The following TET2 variants were observed in gnomAD, a reference collection of about 807,000 sequenced individuals.
TET2 encodes methylcytosine dioxygenase TET2.
TET2 carries 299 observed loss-of-function variants against 142.9 expected under a neutral mutation model. That is an observed-to-expected ratio of 2.09 (90% CI 1.90 to 2.30). The LOEUF is 2.30. Among genes scored for constraint, TET2 ranks in the 30% most tolerant of loss-of-function variants. TET2 has a pLI of 0.00. For synonymous variants in TET2, 819 were observed against 849.0 expected (o/e 0.96, Z 0.61); for missense variants, 2,418 against 2,378.0 (o/e 1.02, Z -0.35).
At position 105,234,829 on chromosome 4, in the gene TET2, G is replaced by GTGATGCTGA; in HGVS notation, c.898_906dup (p.Asp300_Asp302dup). The GTGATGCTGA allele has an allele frequency of 6.2e-7, 1 of 1,614,010 alleles. No individual in the cohort carries two copies. ...CCAGCTGCAGTGGTGAGTGAGGCCT[G>GTGATGCTGA]TGATGCTGATGATGCTGATAATGCC... On this transcript the variant is annotated inframe_insertion, in exon 3 of 11. Transcript: ENST00000380013.
At chr4:105,189,060 C>T (rs1481368349) in intron 1 of TET2, among the ~76,000 whole-genome samples, 1 of 152,028 alleles carries the variant, frequency 6.6e-6, no homozygotes, top group African/African-American at 2.4e-5. Context: ...TAAATTTTAA[C>T]GTATGGCTTT....
At chr4:105,180,538 G>T (rs1489165876) in intron 1 of TET2, among the ~76,000 whole-genome samples, 2 of 151,972 alleles carry the variant, frequency 1.3e-5, no homozygotes, top group African/African-American at 2.4e-5. Context: ...ACTGCATTTA[G>T]AATCTCATGA....
chr4:105,225,713 A>G (rs1728151457), intron 2 of TET2, among the ~76,000 whole-genome samples: 1 of 152,168 alleles, frequency 6.6e-6, no homozygotes, highest in African/African-American at 2.4e-5. Context: ...TGTTAGCTCC[A>G]TGCCATGGCA....
rs34890297 is a variant in TET2 at position 105,233,383 on chromosome 4, C to CAAAAAAAAAAAAAAAA, written c.-46-511_-46-496dup. 1.9e-3 allele frequency among the ~76,000 whole-genome samples: 144 copies of CAAAAAAAAAAAAAAAA among 76,082 alleles called. 21 individuals are homozygous for CAAAAAAAAAAAAAAAA. The highest frequency in any genetic ancestry group is 4.4e-3 in the East Asian group (9 of 2,052). The allele number at this position is 76,082 out of a possible 152,430, so 49.9% of individuals were successfully genotyped here. ...TGGGCAAGAGAGTGAGACTCCATCTCAAAAAAAAAAAAAAAAAAGCTACTG... is the reference window on the plus strand; with the variant it reads ...TGGGCAAGAGAGTGAGACTCCATCTCAAAAAAAAAAAAAAAAAAAAAAAAAAAAAAAAAAGCTACTG... On this transcript the variant is annotated intron_variant, in intron 2 of 10. Transcript: ENST00000380013.
chr4:105,267,357 A>G (rs1177646344), intron 8 of TET2, among the ~76,000 whole-genome samples: 1 of 152,046 alleles, frequency 6.6e-6, no homozygotes, highest in Non-Finnish European at 1.5e-5. Context: ...TAAAAAAATG[A>G]TAACTTGCTA....
At chr4:105,223,319 T>C (rs1190601810) in intron 2 of TET2, among the ~76,000 whole-genome samples, 1 of 152,112 alleles carries the variant, frequency 6.6e-6, no homozygotes, top group Non-Finnish European at 1.5e-5. Flanking sequence ...TTGAAAAATA[T>C]ATGTTTTGGA....
chr4:105,275,515 A>G lies in TET2; in HGVS notation c.5005A>G (p.Lys1669Glu). 6.4e-7 allele frequency: 1 copy of G among 1,551,706 alleles called. No individual in the cohort carries two copies. Among genetic ancestry groups the G allele is most frequent in the Non-Finnish European group, 8.7e-7 (1 of 1,146,982 alleles). ...YRYPSQDPLS[K>E]LSLPPIHTLY... ...GTATCCAAGCCAAGACCCTCTGTCTAAGCTCAGTCTACCACCCATCCATAC... is the reference window on the plus strand; with the variant it reads ...GTATCCAAGCCAAGACCCTCTGTCTGAGCTCAGTCTACCACCCATCCATAC... The change falls in exon 11 of 11, where the codon AAG (lysine) becomes GAG (glutamate). Residue 1669 changes from lysine (K) to glutamate (E), a missense_variant. Transcript: ENST00000380013.
At chr4:105,198,822 G>A (rs1014142097) in intron 2 of TET2, among the ~76,000 whole-genome samples, 1 of 152,192 alleles carries the variant, frequency 6.6e-6, no homozygotes, top group African/African-American at 2.4e-5. Context: ...TGGGAGTCGA[G>A]TAGTCAGAAC....
chr4:105,272,167 A>T (rs1365724878), intron 9 of TET2, among the ~76,000 whole-genome samples: 1 of 152,204 alleles, frequency 6.6e-6, no homozygotes, highest in Non-Finnish European at 1.5e-5. Context: ...CATTTCGTAG[A>T]AAAAACTTTT....
rs550765287 is a variant in TET2 at position 105,209,303 on chromosome 4, G to A, written c.-47+18798G>A. Reference sequence around the variant, plus strand: ...TTGAATTTGTTCTAAGATGACTCAAGCGCAATAACATTTTCTATATCAAAA... The same window carrying A: ...TTGAATTTGTTCTAAGATGACTCAAACGCAATAACATTTTCTATATCAAAA... On this transcript the variant is annotated intron_variant, in intron 2 of 10. Coordinates refer to ENST00000380013, the MANE Select transcript of TET2 (RefSeq NM_001127208.3). Among the ~76,000 whole-genome samples the A allele has an allele frequency of 1.2e-4, 18 of 151,640 alleles. No individual in the cohort carries two copies. In the South Asian group the frequency reaches 3.3e-3, roughly 28 times the overall value.
At chr4:105,194,966 CA>C (rs1319476280) in intron 2 of TET2, among the ~76,000 whole-genome samples, 8 of 152,196 alleles carry the variant, frequency 5.3e-5, no homozygotes, top group Middle Eastern at 3.4e-3. Flanking sequence ...CTCTGTGTCC[CA>C]AGAGACTGAA....
At position 105,275,664 on chromosome 4, in the gene TET2, A is replaced by G; in HGVS notation, c.5154A>G (p.Val1718=). ...SCTIRPNVHH[V]GKLPPYPTHE... is the part of the protein sequence containing the mutation. ...CCATTAGACCAAATGTACATCATGT[A>G]GGGAAATTGCCTCCTTATCCCACTC... Residue 1718 remains valine, a synonymous_variant, in exon 11 of 11, where the codon GTA becomes GTG. Transcript: ENST00000380013. 7 of 1,551,984 alleles carry G rather than the reference A, an allele frequency of 4.5e-6. No individual in the cohort carries two copies. The highest frequency in any genetic ancestry group is 6.1e-6 in the Non-Finnish European group (7 of 1,147,034).
chr4:105,219,431 T>G (rs1406485318), intron 2 of TET2, among the ~76,000 whole-genome samples: 1 of 152,074 alleles, frequency 6.6e-6, no homozygotes, highest in Admixed American at 6.6e-5. Context: ...ACAAAATATT[T>G]TTGAGAAGGA....
At chr4:105,151,189 T>C (rs2110345569) in intron 1 of TET2, among the ~76,000 whole-genome samples, 1 of 152,040 alleles carries the variant, frequency 6.6e-6, no homozygotes, top group Non-Finnish European at 1.5e-5. Context: ...GGCATGGTGG[T>C]ACATTCCTGT....
rs1028904990 is a variant in TET2, at chr4:105,278,194, ATATATATAT to A, written c.*1676_*1684del. On this transcript the variant is annotated 3_prime_UTR_variant, in exon 11 of 11. Transcript: ENST00000380013. The stretch of plus-strand genomic sequence containing the variant: ...TACATATATATATATATATATATAT[ATATATATAT>A]GAGTTTGAAGCAGAATTCACATCAT... 2.5e-5 allele frequency: 4 copies of A among 158,188 alleles called. No homozygotes were observed. Among genetic ancestry groups the A allele is most frequent in the African/African-American group, 1.0e-4 (4 of 38,624 alleles). 9.8% of individuals were successfully genotyped at this position (158,188 alleles called of 1,614,324 possible).
chr4:105,234,338 T>C lies in TET2; in HGVS notation c.396T>C (p.Asn132=), dbSNP rs761454533. The change falls in exon 3 of 11, where the codon AAT becomes AAC. Residue 132 remains asparagine (N), a synonymous_variant. Coordinates refer to ENST00000380013, the MANE Select transcript of TET2 (RefSeq NM_001127208.3). ...ACTTCGGGGTAAGCCAAGAAAGAAATCCAGGTGAAAGCAGTCAACCAAATG... is the reference window on the plus strand; with the variant it reads ...ACTTCGGGGTAAGCCAAGAAAGAAACCCAGGTGAAAGCAGTCAACCAAATG... ...RRNFGVSQER[N]PGESSQPNVS... is the part of the protein sequence containing the mutation. The C allele has an allele frequency of 3.1e-6, 5 of 1,613,834 alleles. No individual in the cohort carries two copies. Among genetic ancestry groups the C allele is most frequent in the South Asian group, 1.1e-5 (1 of 91,084 alleles).
intron 6 of TET2, among the ~76,000 whole-genome samples, chr4:105,252,159 A>G (rs1217420258): frequency 6.6e-6 from 1 of 152,158 alleles, no homozygotes; most frequent in East Asian, 1.9e-4. Context: ...CACTGCCTTA[A>G]AAGTCCTCTG....
chr4:105,161,924 G>T (rs1404443899), intron 1 of TET2, among the ~76,000 whole-genome samples: 1 of 152,206 alleles, frequency 6.6e-6, no homozygotes, highest in Non-Finnish European at 1.5e-5. Context: ...TACTAAGTGT[G>T]TGTATGTGGT....
At chr4:105,207,099 T>C (rs1270664087) in intron 2 of TET2, among the ~76,000 whole-genome samples, 2 of 152,210 alleles carry the variant, frequency 1.3e-5, no homozygotes, top group African/African-American at 4.8e-5. Context: ...TGGAAATGTA[T>C]GAGCTCACTG....
Sources: allele counts gnomAD v4.1 joint callset (sites outside exome capture counted in the v4.1 genomes callset), GRCh38; gene constraint gnomAD v4.1.1; transcripts MANE v1.5; gene names NCBI Gene and HGNC (gene_info 2026-07-23, HGNC 2026-07-21).